The following MPP2 variants were observed in gnomAD, a reference collection of about 807,000 sequenced individuals.
MPP2 encodes MAGUK p55 scaffold protein 2.
A neutral mutation model predicts 58.5 loss-of-function variants in MPP2; 42 were observed. That is an observed-to-expected ratio of 0.72 (90% CI 0.56 to 0.93). MPP2 has a LOEUF of 0.93. MPP2 is among the 40% of genes least tolerant of loss of function. The probability of loss-of-function intolerance (pLI) is 0.00; values close to 1 mark genes in which losing one functional copy is unlikely to be tolerated. For synonymous variants in MPP2, 300 were observed against 307.8 expected, an observed-to-expected ratio of 0.97 and a Z score of 0.26; for missense variants, 632 against 760.4, an observed-to-expected ratio of 0.83 and a Z score of 1.99.
chr17:43,883,158 C>T (rs1483480184), intron 4 of MPP2, 45 bp downstream of exon 4: 2 of 1,566,242 alleles, frequency 1.3e-6, no homozygotes, highest in Admixed American at 3.7e-5. Flanking sequence ...ATGCCCCAGT[C>T]CACCCACCTC....
chr17:43,875,673 A>C lies in MPP2; in HGVS notation c.*2134T>G, dbSNP rs1041439903. On this transcript the variant is annotated 3_prime_UTR_variant, in exon 13 of 13. Coordinates refer to ENST00000269095, the MANE Select transcript of MPP2 (RefSeq NM_005374.5). ...TGGGAGGGCTGTGGAGTGAGGGCTC[A>C]GGCAGGGGAGGTAGGAGGCTGCTCA... 1 of 152,012 alleles carries C rather than the reference A, an allele frequency of 6.6e-6. No individual in the cohort carries two copies. The highest frequency in any genetic ancestry group is 2.4e-5 in the African/African-American group (1 of 41,076). The allele number at this position is 152,012 out of a possible 1,614,324, so 9.4% of individuals were successfully genotyped here.
chr17:43,907,509 C>A lies in MPP2; in HGVS notation c.-69G>T. On this transcript the variant is annotated 5_prime_UTR_variant, in exon 1 of 13. Transcript: ENST00000269095. ...GGAAGCCCCTAGCTCCGGGCGGCTC[C>A]AGCGCAGCCGGGCGCTCAGCGTTTA... 4 of 985,534 alleles carry A rather than the reference C, an allele frequency of 4.1e-6. No individual in the cohort carries two copies. The highest frequency in any genetic ancestry group is 4.8e-6 in the Non-Finnish European group (4 of 829,970). 61.0% of individuals were successfully genotyped at this position (985,534 alleles called of 1,614,324 possible). A position where few individuals can be genotyped will look rare whatever the true frequency, so the allele number is the denominator to read the frequency against.
chr17:43,904,789 CA>C (rs2048226644), intron 1 of MPP2, among the ~76,000 whole-genome samples: 1 of 152,120 alleles, frequency 6.6e-6, no homozygotes, highest in African/African-American at 2.4e-5. Context: ...TTTTATGACT[CA>C]AAAATAAGTA....
chr17:43,907,914 T>C (rs1350023733), upstream of MPP2: 3 of 985,282 alleles, frequency 3.0e-6, no homozygotes, highest in African/African-American at 5.2e-5. Flanking sequence ...CTTTTCCTCG[T>C]TATCCTGCTT....
upstream of MPP2, among the ~76,000 whole-genome samples, chr17:43,909,254 CAG>C (rs1473188381): frequency 2.6e-5 from 4 of 152,052 alleles, no homozygotes; most frequent in Non-Finnish European, 4.4e-5. Context: ...TTAGTAGAGA[CAG>C]GGTTTCTCCA....
chr17:43,899,980 C>T (rs1179134941), intron 2 of MPP2, among the ~76,000 whole-genome samples: 1 of 152,152 alleles, frequency 6.6e-6, no homozygotes, highest in Non-Finnish European at 1.5e-5. Context: ...CGGAGGACGG[C>T]GGAGGATGCA....
intron 3 of MPP2, among the ~76,000 whole-genome samples, chr17:43,887,621 A>T (rs2047426661): frequency 6.6e-6 from 1 of 152,126 alleles, no homozygotes; most frequent in African/African-American, 2.4e-5. Context: ...TTTCAAAATG[A>T]CTATCCAGAT....
chr17:43,902,019 G>T (rs1227698574), intron 2 of MPP2, among the ~76,000 whole-genome samples: 1 of 152,148 alleles, frequency 6.6e-6, no homozygotes, highest in Non-Finnish European at 1.5e-5. Context: ...GGACACAGCT[G>T]TCTCTCTATC....
In MPP2 at chr17:43,875,616, G is replaced by A. The variant is rs961902211; in HGVS notation, c.*2191C>T. 4 of 152,092 alleles carry A rather than the reference G, an allele frequency of 2.6e-5. No homozygotes were observed. The highest frequency in any genetic ancestry group is 7.3e-5 in the African/African-American group (3 of 41,200). The allele number at this position is 152,092 out of a possible 1,614,324, so 9.4% of individuals were successfully genotyped here. A position where few individuals can be genotyped will look rare whatever the true frequency, so the allele number is the denominator to read the frequency against. ...ACCCAGCCCCAGCCCTGTTCCAGGTGAGCCAAGGACTGACAGCCTCTGCTA... is the reference window on the plus strand; with the variant it reads ...ACCCAGCCCCAGCCCTGTTCCAGGTAAGCCAAGGACTGACAGCCTCTGCTA... On this transcript the variant is annotated 3_prime_UTR_variant, in exon 13 of 13. Coordinates refer to ENST00000269095, the MANE Select transcript of MPP2 (RefSeq NM_005374.5).
At chr17:43,878,012 A>G in intron 12 of MPP2, 29 bp from the exon 13 acceptor site, 2 of 1,597,202 alleles carry the variant, frequency 1.3e-6, no homozygotes, top group Non-Finnish European at 1.7e-6. Flanking sequence ...ACCTCCCTAC[A>G]GTCAGTGCCC....
rs1435805677 is a variant in MPP2 at position 43,903,971 on chromosome 17, AC to A, written c.31+458del. Among the ~76,000 whole-genome samples the A allele has an allele frequency of 2.0e-5, 3 of 151,900 alleles. No homozygotes were observed. The East Asian group carries it at 5.8e-4, about 29-fold the overall frequency. ...CACTCACAGCTTCCTGGTCCCCAGT[AC>A]CCCCTGTCCACCTCTGGCACATGCT... On this transcript the variant is annotated intron_variant, in intron 2 of 12. Transcript: ENST00000269095.
In MPP2 at chr17:43,880,814, C is replaced by A; in HGVS notation, c.1027G>T (p.Ala343Ser). ...RHELLIYEEV[A>S]RMPPFRRKTL... ...TTCCGGCGGAACGGGGGCATGCGGG[C>A]CACCTCCTCATAAATGAGCAGCTCA... The change falls in exon 10 of 13, where the codon GCC becomes TCC. Residue 343 changes from alanine to serine, a missense_variant. Coordinates refer to ENST00000269095, the MANE Select transcript of MPP2 (RefSeq NM_005374.5). This position sits in a 1 kb window ranked among gnomAD's most constrained non-coding sequence, Gnocchi z 5.2. The A allele has an allele frequency of 6.2e-7, 1 of 1,612,076 alleles. No homozygotes were observed. The highest frequency in any genetic ancestry group is 8.5e-7 in the Non-Finnish European group (1 of 1,178,790).
At chr17:43,907,146 A>C (rs1339301764) in intron 1 of MPP2, 17 of 983,336 alleles carry the variant, frequency 1.7e-5, no homozygotes, top group Middle Eastern at 5.2e-4. Context: ...CGGGCTTCTA[A>C]GTACCCCCAA....
At chr17:43,886,664 G>T (rs541306755) in intron 3 of MPP2, among the ~76,000 whole-genome samples, 1 of 152,254 alleles carries the variant, frequency 6.6e-6, no homozygotes, top group East Asian at 1.9e-4. Context: ...CCCTCCATGG[G>T]ACTTTGGCCA....
upstream of MPP2, among the ~76,000 whole-genome samples, chr17:43,908,546 G>A (rs1358477385): frequency 1.3e-5 from 2 of 152,294 alleles, no homozygotes; most frequent in East Asian, 3.9e-4. Flanking sequence ...ACTAGCCCAA[G>A]CAACATAGTG....
intron 2 of MPP2, among the ~76,000 whole-genome samples, chr17:43,904,178 G>A (rs575696787): frequency 3.9e-5 from 6 of 152,284 alleles, no homozygotes; most frequent in South Asian, 4.1e-4. Flanking sequence ...TGCCCTCCAC[G>A]GAGGTGAGTT....
At chr17:43,884,040 C>G in intron 3 of MPP2, 1 of 694,204 alleles carries the variant, frequency 1.4e-6, no homozygotes, top group East Asian at 2.7e-5. Context: ...TTTTTCCCCT[C>G]TGAATCTTTG....
intron 1 of MPP2, chr17:43,905,292 T>C (rs2143803582): frequency 6.6e-6 from 1 of 152,358 alleles, no homozygotes; most frequent in Middle Eastern, 3.4e-3. Context: ...ATTGATTTTA[T>C]TTGCTTCTGG....
intron 2 of MPP2, among the ~76,000 whole-genome samples, chr17:43,903,785 G>A (rs1037110625): frequency 6.6e-6 from 1 of 152,182 alleles, no homozygotes; most frequent in African/African-American, 2.4e-5. Context: ...CAGCCTTTGC[G>A]TCTCACAGCA....
Sources: gnomAD v4.1 joint callset for allele counts (sites outside exome capture counted in the v4.1 genomes callset) on GRCh38, gnomAD v4.1.1 for gene constraint, Gnocchi (gnomAD v3.1) non-coding constraint, MANE v1.5 for transcripts, NCBI Gene and HGNC (gene_info 2026-07-23, HGNC 2026-07-21) for gene names.